MYH9: variants seen among roughly 807,000 people sequenced by gnomAD.
MYH9 encodes myosin heavy chain 9.
A neutral mutation model predicts 241.9 loss-of-function variants in MYH9; 29 were observed. The ratio of observed to expected loss-of-function variants is 0.12; its 90% CI spans 0.09 to 0.16. MYH9 has a LOEUF of 0.16. Among genes scored for constraint, MYH9 ranks in the 10% least tolerant of loss-of-function variants. MYH9 has a pLI of 1.00. For missense variants in MYH9, 1,803 were observed against 2,595.5 expected (o/e 0.69, Z 6.63); for synonymous variants, 1,047 against 1,062.6 (o/e 0.99, Z 0.29).
At chr22:36,356,437 C>T (rs1454140655) in intron 1 of MYH9, among the ~76,000 whole-genome samples, 4 of 151,806 alleles carry the variant, frequency 2.6e-5, no homozygotes, top group Non-Finnish European at 5.9e-5. Flanking sequence ...AAAACTTAGC[C>T]AGGCGTGGTG....
chr22:36,378,574 G>A (rs1423327271), intron 1 of MYH9, among the ~76,000 whole-genome samples: 1 of 152,040 alleles, frequency 6.6e-6, no homozygotes, highest in Non-Finnish European at 1.5e-5. Flanking sequence ...TTTCTGAATG[G>A]CCCACCCTGC....
chr22:36,304,754 C>A (rs2016942190), intron 18 of MYH9, among the ~76,000 whole-genome samples: 1 of 152,184 alleles, frequency 6.6e-6, no homozygotes, highest in Non-Finnish European at 1.5e-5. Context: ...AGGAGAATGT[C>A]CCCCAAACCA....
In MYH9 at chr22:36,293,973, G is replaced by T; in HGVS notation, c.3838-110C>A. ...CCTGAGTCACAAGCTGAACCATGAG[G>T]GTCTGAGGAGCCAGTTTGAGAAGAG... On this transcript the variant is annotated intron_variant, in intron 28 of 40. Transcript: ENST00000216181. This position sits in a 1 kb window ranked among gnomAD's most constrained non-coding sequence, Gnocchi z 5.1. 6.9e-7 allele frequency: 1 copy of T among 1,455,040 alleles called. No individual in the cohort carries two copies. The highest frequency in any genetic ancestry group is 9.5e-7 in the Non-Finnish European group (1 of 1,055,754). The allele number at this position is 1,455,040 out of a possible 1,614,324, so 90.1% of individuals were successfully genotyped here.
In MYH9 at chr22:36,285,092, TGGGGTTGGGCGGGGCCA is replaced by T; in HGVS notation, c.5483+12_5483+28del. On this transcript the variant is annotated intron_variant, in intron 38 of 40. Transcript: ENST00000216181. This position sits in a 1 kb window ranked among gnomAD's most constrained non-coding sequence, Gnocchi z 7.0. The stretch of plus-strand genomic sequence containing the variant: ...GGGCCAGAGTTTTTTCCAGGACAGC[TGGGGTTGGGCGGGGCCA>T]GGGGCACGTACTTGGTCTCGTTGTC... The T allele has an allele frequency of 1.2e-6, 2 of 1,608,710 alleles. No individual in the cohort carries two copies. The highest frequency in any genetic ancestry group is 1.7e-6 in the Non-Finnish European group (2 of 1,176,712).
At chr22:36,364,959 G>C (rs980243720) in intron 1 of MYH9, 7 of 152,136 alleles carry the variant, frequency 4.6e-5, no homozygotes, top group African/African-American at 1.7e-4. Flanking sequence ...CAGCTACAAG[G>C]AGCCCCAGTG....
rs1178604127 is a variant in MYH9, at chr22:36,294,962, C to A, written c.3600G>T (p.Glu1200Asp). Residue 1200 changes from glutamate to aspartate, a missense_variant, in exon 27 of 41, where the codon GAG (glutamate) becomes GAT (aspartate). Glu to Asp is a conservative substitution (Grantham distance 45). Coordinates refer to ENST00000216181, the MANE Select transcript of MYH9 (RefSeq NM_002473.6). ...MRQKHSQAVE[E>D]LAEQLEQTKR... Reference sequence around the variant, plus strand: ...TCGTCTGCTCCAGCTGCTCCGCCAGCTCCTCCACGGCCTGTGAGTGCTTCT... The same window carrying A: ...TCGTCTGCTCCAGCTGCTCCGCCAGATCCTCCACGGCCTGTGAGTGCTTCT... 6 of 1,613,992 alleles carry A rather than the reference C, an allele frequency of 3.7e-6. No homozygotes were observed. The East Asian group carries it at 1.3e-4, about 36-fold the overall frequency.
In MYH9 at chr22:36,367,955, G is replaced by A. The variant is rs184291694; in HGVS notation, c.-19-18700C>T. On this transcript the variant is annotated intron_variant, in intron 1 of 40. Coordinates refer to ENST00000216181, the MANE Select transcript of MYH9 (RefSeq NM_002473.6). ...TGCAAAGATCTGTGCACACAGAGGT[G>A]CAGAGACATGCACACAGAGACCTGT... is the stretch of plus-strand genomic sequence containing the variant. 9.2e-4 allele frequency among the ~76,000 whole-genome samples: 140 copies of A among 152,250 alleles called. 1 individual carries two copies. The highest frequency in any genetic ancestry group is 1.9e-4 in the Non-Finnish European group (13 of 68,012).
At chr22:36,304,266 G>A (rs1241213826) in intron 18 of MYH9, 111 bp from the exon 19 acceptor site, 1 of 1,176,474 alleles carries the variant, frequency 8.5e-7, no homozygotes, top group Non-Finnish European at 1.3e-6. Context: ...CTCACTGGCT[G>A]ACGAGCATCT....
At chr22:36,283,982 GCA>G in intron 40 of MYH9, 109 bp downstream of exon 40, 7 of 1,320,462 alleles carry the variant, frequency 5.3e-6, no homozygotes, top group South Asian at 3.5e-5. Context: ...ATTGCTTTGT[GCA>G]GTCCTTTCTT....
At chr22:36,322,047 C>G (rs2017261709) in intron 6 of MYH9, 1 of 598,736 alleles carries the variant, frequency 1.7e-6, no homozygotes, top group East Asian at 2.8e-5. Flanking sequence ...CTGAGACAAG[C>G]TGATCCCACA....
At chr22:36,286,593 A>G (rs2016585175) in intron 35 of MYH9, 125 bp downstream of exon 35, 1 of 1,364,816 alleles carries the variant, frequency 7.3e-7, no homozygotes, top group African/African-American at 1.4e-5. Flanking sequence ...ATGTAACCTG[A>G]GAGCCATCCC....
At position 36,293,043 on chromosome 22, in the gene MYH9, G is replaced by T. The variant is rs930039339; in HGVS notation, c.4095+286C>A. On this transcript the variant is annotated intron_variant, in intron 30 of 40. Transcript: ENST00000216181. This position sits in a 1 kb window ranked among gnomAD's most constrained non-coding sequence, Gnocchi z 5.1. ...ACGGCACAGGGACTGCCACCACCAT[G>T]GCTTGCTGCCTACATCCATAATGGA... 6.6e-6 allele frequency among the ~76,000 whole-genome samples: 1 copy of T among 152,226 alleles called. No individual in the cohort carries two copies. Among genetic ancestry groups the T allele is most frequent in the African/African-American group, 2.4e-5 (1 of 41,468 alleles).
chr22:36,319,186 C>G (rs186921394), intron 10 of MYH9, among the ~76,000 whole-genome samples: 3 of 152,158 alleles, frequency 2.0e-5, no homozygotes, highest in Non-Finnish European at 4.4e-5. Flanking sequence ...GGGGCTGAAT[C>G]GGGTGTGGCA....
At position 36,293,707 on chromosome 22, in the gene MYH9, CA is replaced by C; in HGVS notation, c.3942+51del. 6.6e-7 allele frequency: 1 copy of C among 1,516,448 alleles called. No homozygotes were observed. Among genetic ancestry groups the C allele is most frequent in the Non-Finnish European group, 9.1e-7 (1 of 1,097,074 alleles). The allele number at this position is 1,516,448 out of a possible 1,614,324, so 93.9% of individuals were successfully genotyped here. A position where few individuals can be genotyped will look rare whatever the true frequency, so the allele number is the denominator to read the frequency against. ...CTCTGAAGCTAATGTTGCGTGGACA[CA>C]GAGGCCTTTCTGGAGGGGTCCACCT... is the stretch of plus-strand genomic sequence containing the variant. On this transcript the variant is annotated intron_variant, in intron 29 of 40. Coordinates refer to ENST00000216181, the MANE Select transcript of MYH9 (RefSeq NM_002473.6). The surrounding 1 kb of genome is among the most constrained non-coding windows in gnomAD (Gnocchi z 5.1).
intron 12 of MYH9, 142 bp downstream of exon 12, chr22:36,316,375 C>T (rs1037052865): frequency 8.2e-6 from 10 of 1,220,846 alleles, no homozygotes; most frequent in Admixed American, 1.9e-5. Flanking sequence ...AAAACAACCC[C>T]ACACCCAACC....
Position 36,289,081 on chromosome 22 carries a change from T to C in MYH9, c.4557+4A>G. On this transcript the variant is annotated splice_donor_region_variant and intron_variant, in intron 32 of 40. Coordinates refer to ENST00000216181, the MANE Select transcript of MYH9 (RefSeq NM_002473.6). ...AAGACCTGGCTGCCAGGCCCAGGAC[T>C]CACACTCTTGCCCACATCATCCTTG... 1 of 1,614,002 alleles carries C rather than the reference T, an allele frequency of 6.2e-7. No individual in the cohort carries two copies.
At chr22:36,369,446 G>A (rs1193988053) in intron 1 of MYH9, among the ~76,000 whole-genome samples, 1 of 152,222 alleles carries the variant, frequency 6.6e-6, no homozygotes, top group Non-Finnish European at 1.5e-5. Context: ...GCAGAAGGCG[G>A]GCTGAGAACA....
intron 1 of MYH9, among the ~76,000 whole-genome samples, chr22:36,376,755 T>G (rs1461312585): frequency 6.6e-6 from 1 of 152,238 alleles, no homozygotes; most frequent in African/African-American, 2.4e-5. Flanking sequence ...TAGGCCTCCC[T>G]GTCGCAGGCT....
intron 9 of MYH9, 196 bp from the exon 10 acceptor site, chr22:36,319,831 C>T (rs369708452): frequency 1.5e-6 from 1 of 654,214 alleles, no homozygotes; most frequent in Non-Finnish European, 2.8e-6. Flanking sequence ...GGCTCACCCC[C>T]TCCTGGCCGA....
Sources: gnomAD v4.1 joint callset for allele counts (sites outside exome capture counted in the v4.1 genomes callset) on GRCh38, gnomAD v4.1.1 for gene constraint, Gnocchi (gnomAD v3.1) non-coding constraint, MANE v1.5 for transcripts, NCBI Gene and HGNC (gene_info 2026-07-23, HGNC 2026-07-21) for gene names.